WDR72: variants seen among roughly 807,000 people sequenced by gnomAD.
The protein encoded by WDR72 is WD repeat-containing protein 72.
A neutral mutation model predicts 124.2 loss-of-function variants in WDR72; 120 were observed. The ratio of observed to expected loss-of-function variants is 0.97; its 90% CI spans 0.83 to 1.12. The LOEUF (loss-of-function observed/expected upper bound fraction) is 1.12, where lower values mean the gene tolerates loss of function less well. Among genes scored for constraint, WDR72 ranks in the 50% most tolerant of loss-of-function variants. The pLI is 0.00. For missense variants in WDR72, 1,387 were observed against 1,278.8 expected (o/e 1.08, Z -1.29); for synonymous variants, 452 against 441.7 (o/e 1.02, Z -0.29).
intron 14 of WDR72, among the ~76,000 whole-genome samples, chr15:53,643,893 T>C (rs189600376): frequency 6.6e-6 from 1 of 152,256 alleles, no homozygotes; most frequent in Admixed American, 6.5e-5. Flanking sequence ...ATTTTACATA[T>C]GCAAACAAAA....
chr15:53,720,051 CTA>C (rs1426943211), intron 3 of WDR72, among the ~76,000 whole-genome samples: 2 of 152,078 alleles, frequency 1.3e-5, no homozygotes, highest in East Asian at 3.9e-4. Flanking sequence ...ATTGGAATGA[CTA>C]TTTTATTCAG....
At chr15:53,677,301 T>A (rs2016209030) in intron 13 of WDR72, among the ~76,000 whole-genome samples, 1 of 152,210 alleles carries the variant, frequency 6.6e-6, no homozygotes. Context: ...GTTAGACATT[T>A]CATACTTTTT....
At chr15:53,653,501 G>T (rs934143492) in intron 14 of WDR72, among the ~76,000 whole-genome samples, 1 of 152,186 alleles carries the variant, frequency 6.6e-6, no homozygotes, top group African/African-American at 2.4e-5. Flanking sequence ...AACATCAGTG[G>T]AAATATGAGT....
At chr15:53,558,710 C>G (rs192846093) in intron 18 of WDR72, among the ~76,000 whole-genome samples, 23 of 152,058 alleles carry the variant, frequency 1.5e-4, no homozygotes, top group Admixed American at 1.0e-3. Context: ...TAATGTATTC[C>G]AAAACCTTAT....
At chr15:53,692,640 A>G (rs1164941933) in intron 13 of WDR72, among the ~76,000 whole-genome samples, 1 of 152,160 alleles carries the variant, frequency 6.6e-6, no homozygotes, top group East Asian at 1.9e-4. Flanking sequence ...AATTGTGTAA[A>G]TATTTCATAG....
At chr15:53,556,917 G>GTACACA (rs1246504626) in intron 18 of WDR72, among the ~76,000 whole-genome samples, 2 of 152,046 alleles carry the variant, frequency 1.3e-5, no homozygotes, top group East Asian at 3.9e-4. Flanking sequence ...TATACATATA[G>GTACACA]TACACATACA....
chr15:53,578,799 C>T (rs1229538334), intron 18 of WDR72, among the ~76,000 whole-genome samples: 1 of 152,088 alleles, frequency 6.6e-6, no homozygotes, highest in Non-Finnish European at 1.5e-5. Context: ...AGCAACTTGA[C>T]CTTTGGTTAA....
At chr15:53,587,185 A>G (rs541461508) in intron 18 of WDR72, among the ~76,000 whole-genome samples, 3 of 152,200 alleles carry the variant, frequency 2.0e-5, no homozygotes, top group African/African-American at 7.2e-5. Flanking sequence ...ATTCATGAAA[A>G]GAAAAGCTTT....
At chr15:53,599,697 C>G (rs745934633) in intron 17 of WDR72, among the ~76,000 whole-genome samples, 1 of 152,088 alleles carries the variant, frequency 6.6e-6, no homozygotes, top group Non-Finnish European at 1.5e-5. Flanking sequence ...GCTTATCACC[C>G]CAGAGGCATG....
chr15:53,724,151 G>A (rs1464269960), intron 2 of WDR72, among the ~76,000 whole-genome samples: 1 of 152,122 alleles, frequency 6.6e-6, no homozygotes, highest in Admixed American at 6.5e-5. Flanking sequence ...AATGGCTGGG[G>A]GTGAGGGAAG....
rs565848423 is a variant in WDR72, at chr15:53,646,270, G to T, written c.1962+19302C>A. ...AGTCCTAATTATAAAAATATTGCTG[G>T]ATTGTTTGAAATTTTTATTTTTATA... On this transcript the variant is annotated intron_variant, in intron 14 of 19. Transcript: ENST00000360509. Among the ~76,000 whole-genome samples the T allele has an allele frequency of 7.2e-5, 11 of 152,156 alleles. No homozygotes were observed. In the East Asian group the frequency reaches 1.9e-3, roughly 27 times the overall value.
At chr15:53,704,863 A>G (rs2017301066) in intron 11 of WDR72, 125 bp downstream of exon 11, 1 of 1,105,196 alleles carries the variant, frequency 9.0e-7, no homozygotes, top group South Asian at 1.6e-5. Flanking sequence ...TAACATTAAA[A>G]TATGTACATA....
At chr15:53,596,464 C>A (rs1906442) in intron 18 of WDR72, among the ~76,000 whole-genome samples, 20,905 of 151,968 alleles carry the variant, frequency 0.14, 2,219 homozygotes, top group African/African-American at 0.3. Context: ...AATGATCTAA[C>A]CATAAAAATA....
At chr15:53,626,122 G>T (rs147321857) in intron 14 of WDR72, among the ~76,000 whole-genome samples, 2 of 152,314 alleles carry the variant, frequency 1.3e-5, no homozygotes, top group African/African-American at 4.8e-5. Context: ...CCAAGATGGT[G>T]GTGGGCAGCT....
chr15:53,561,013 T>C (rs1405034491), intron 18 of WDR72, among the ~76,000 whole-genome samples: 1 of 151,904 alleles, frequency 6.6e-6, no homozygotes, highest in Non-Finnish European at 1.5e-5. Context: ...CACAGTCCTT[T>C]GTTTGAGATT....
Position 53,706,007 on chromosome 15 carries a change from A to T in WDR72, c.1022T>A (p.Phe341Tyr). 5.0e-6 allele frequency: 8 copies of T among 1,614,110 alleles called. No homozygotes were observed. Among genetic ancestry groups the T allele is most frequent in the Non-Finnish European group, 5.1e-6 (6 of 1,180,002 alleles). The change falls in exon 10 of 20, where the codon TTC becomes TAC. Residue 341 changes from phenylalanine (F) to tyrosine (Y), a missense_variant. Physicochemically the swap from Phe to Tyr is conservative, Grantham distance 22. Transcript: ENST00000360509. ...ERKEPFYKVL[F>Y]SGEVSGRITL... ...AATTCTTCCTGAGACTTCTCCAGAGAAAAGTACCTTGTAAAAAGGCTCTTT... is the reference window on the plus strand; with the variant it reads ...AATTCTTCCTGAGACTTCTCCAGAGTAAAGTACCTTGTAAAAAGGCTCTTT...
At chr15:53,666,470 A>G (rs945299876) in intron 13 of WDR72, among the ~76,000 whole-genome samples, 5 of 152,230 alleles carry the variant, frequency 3.3e-5, no homozygotes, top group Non-Finnish European at 7.3e-5. Flanking sequence ...AAATAATTCA[A>G]TGCTTTTATA....
At chr15:53,613,522 G>C in intron 16 of WDR72, 144 bp downstream of exon 16, 1 of 637,704 alleles carries the variant, frequency 1.6e-6, no homozygotes, top group Non-Finnish European at 2.8e-6. Flanking sequence ...AAGCCACACA[G>C]CTAGTGTAAT....
intron 18 of WDR72, among the ~76,000 whole-genome samples, chr15:53,556,259 A>C (rs1312451358): frequency 2.0e-5 from 3 of 152,178 alleles, no homozygotes; most frequent in African/African-American, 7.2e-5. Context: ...ATAAATTATA[A>C]TGATGAAAAC....
Sources: allele counts gnomAD v4.1 joint callset (sites outside exome capture counted in the v4.1 genomes callset), GRCh38; gene constraint gnomAD v4.1.1; transcripts MANE v1.5; gene names NCBI Gene and HGNC (gene_info 2026-07-23, HGNC 2026-07-21).